NPRL3: variants seen among roughly 807,000 people sequenced by gnomAD.
NPRL3 encodes GATOR1 complex protein NPRL3.
Under a neutral mutation model 57.2 loss-of-function variants are expected in NPRL3, and 23 were observed. That is an observed-to-expected ratio of 0.40 (90% CI 0.29 to 0.57). NPRL3 has a LOEUF of 0.57. Ranked by LOEUF, NPRL3 falls within the 20% of genes least tolerant of loss-of-function variation. NPRL3 has a pLI of 0.42. For missense variants in NPRL3, 691 were observed against 767.1 expected, an observed-to-expected ratio of 0.90 and a Z score of 1.17; for synonymous variants, 333 against 321.1, an observed-to-expected ratio of 1.04 and a Z score of -0.39.
At chr16:109,094 G>C (rs949812065) in intron 7 of NPRL3, among the ~76,000 whole-genome samples, 3 of 151,852 alleles carry the variant, frequency 2.0e-5, no homozygotes, top group African/African-American at 7.3e-5. Context: ...TCAGCCTCCT[G>C]AGTAGCTGAG....
rs1367365801 is a variant in NPRL3, at chr16:138,606, T to C, written c.-68+36A>G. 4 of 64,970 alleles carry C rather than the reference T, an allele frequency of 6.2e-5. 1 individual carries two copies. Among genetic ancestry groups the C allele is most frequent in the Non-Finnish European group, 1.0e-4 (4 of 38,608 alleles). 4.0% of individuals were successfully genotyped at this position (64,970 alleles called of 1,614,324 possible). ...GGAGGGGGCCTGAGGAGGACAGGGG[T>C]GGTGGTGGACGCGGAGCAGCGCCAC... On this transcript the variant is annotated intron_variant, in intron 1 of 13. Transcript: ENST00000611875.
chr16:119,328 A>G, intron 3 of NPRL3, 73 bp from the exon 4 acceptor site: 1 of 1,462,398 alleles, frequency 6.8e-7, no homozygotes, highest in South Asian at 1.2e-5. Flanking sequence ...CTGGCCCCAG[A>G]GCGGAAGGGT....
chr16:126,689 G>A (rs1397455282), intron 3 of NPRL3, among the ~76,000 whole-genome samples: 2 of 152,010 alleles, frequency 1.3e-5, no homozygotes, highest in Non-Finnish European at 2.9e-5. Flanking sequence ...CAGTGGTGGG[G>A]ACACACGGTA....
At chr16:120,476 T>C (rs1339615804) in intron 3 of NPRL3, among the ~76,000 whole-genome samples, 1 of 152,154 alleles carries the variant, frequency 6.6e-6, no homozygotes, top group Admixed American at 6.5e-5. Flanking sequence ...TAATAGCAAA[T>C]GGCAAGTAGC....
intron 9 of NPRL3, among the ~76,000 whole-genome samples, chr16:97,715 AG>A (rs972622583): frequency 6.7e-6 from 1 of 150,268 alleles, no homozygotes; most frequent in Non-Finnish European, 1.5e-5. Flanking sequence ...CCACCAGGTT[AG>A]GTCTCTGTTC....
chr16:98,041 C>A, intron 9 of NPRL3, 104 bp downstream of exon 9: 1 of 1,424,726 alleles, frequency 7.0e-7, no homozygotes, highest in Non-Finnish European at 9.5e-7. Flanking sequence ...TGCCGCGGCT[C>A]TCAGCTGGAC....
chr16:112,801 C>T (rs765419163), intron 5 of NPRL3, 26 bp from the exon 6 acceptor site: 2 of 1,554,146 alleles, frequency 1.3e-6, no homozygotes, highest in East Asian at 2.3e-5. Context: ...CATACACAGA[C>T]TCAAACGTGT....
intron 3 of NPRL3, among the ~76,000 whole-genome samples, chr16:128,782 C>A (rs1393337413): frequency 1.3e-5 from 2 of 151,922 alleles, no homozygotes; most frequent in African/African-American, 4.8e-5. Context: ...AAAAAAAAAT[C>A]AAAGACACAG....
At chr16:135,237 A>G (rs945380140) in intron 2 of NPRL3, among the ~76,000 whole-genome samples, 2 of 152,226 alleles carry the variant, frequency 1.3e-5, no homozygotes, top group Admixed American at 6.5e-5. Flanking sequence ...TTATAACTCC[A>G]GTTCCACAGG....
At chr16:129,217 TG>T (rs1900680970) in intron 3 of NPRL3, among the ~76,000 whole-genome samples, 1 of 152,162 alleles carries the variant, frequency 6.6e-6, no homozygotes, top group African/African-American at 2.4e-5. Context: ...AAGGCTAATG[TG>T]GGGGGTGGCC....
chr16:138,408 C>A, intron 1 of NPRL3, 74 bp from the exon 2 acceptor site: 1 of 423,730 alleles, frequency 2.4e-6, no homozygotes, highest in Non-Finnish European at 4.0e-6. Context: ...CTGAGGAGGG[C>A]AGGGGTGGAG....
chr16:92,440 C>T (rs1567130717), intron 11 of NPRL3, among the ~76,000 whole-genome samples, 156 bp downstream of exon 11: 1 of 152,190 alleles, frequency 6.6e-6, no homozygotes, highest in Admixed American at 6.5e-5. Context: ...CTTTTGGGTC[C>T]TGCTGGGCAC....
chr16:110,730 G>A (rs1899770403), intron 6 of NPRL3, 124 bp from the exon 7 acceptor site: 8 of 686,700 alleles, frequency 1.2e-5, no homozygotes, highest in Non-Finnish European at 2.0e-5. Flanking sequence ...TTGTATTTTT[G>A]GTAGAGACAG....
rs376237512 is a variant in NPRL3 at position 112,680 on chromosome 16, G to T, written c.489C>A (p.Leu163=). The T allele has an allele frequency of 1.1e-5, 18 of 1,609,688 alleles. No individual in the cohort carries two copies. The African/African-American group carries it at 2.0e-4, about 18-fold the overall frequency. ...CCAGGATCAGCTTGGCCTCCCGGGT[G>T]AGGTACTGGCAGCGGCGCTCCTCGT... ...LQHEERRCQY[L]TREAKLILAL... is the part of the protein sequence containing the mutation. Residue 163 remains leucine, a synonymous_variant, in exon 6 of 14, where the codon CTC becomes CTA. Coordinates refer to ENST00000611875, the MANE Select transcript of NPRL3 (RefSeq NM_001077350.3).
intron 7 of NPRL3, among the ~76,000 whole-genome samples, chr16:110,114 A>G (rs780590196): frequency 2.6e-5 from 4 of 152,128 alleles, no homozygotes; most frequent in African/African-American, 4.8e-5. Context: ...TACTAAAAAT[A>G]CACAACTAGC....
intron 2 of NPRL3, among the ~76,000 whole-genome samples, 190 bp downstream of exon 2, chr16:137,959 GT>G (rs1901186884): frequency 6.6e-6 from 1 of 151,838 alleles, no homozygotes; most frequent in Non-Finnish European, 1.5e-5. Flanking sequence ...GTCAGCAGTA[GT>G]TGCTTTGGTG....
At position 98,010 on chromosome 16, in the gene NPRL3, G is replaced by A. The variant is rs1899094739; in HGVS notation, c.924+135C>T. On this transcript the variant is annotated intron_variant, in intron 9 of 13. Transcript: ENST00000611875. ...AAACCTCCAGCCATCCCAGGGACTG[G>A]CCCCACCCCATGGTGGGCTGTGCCG... is the stretch of plus-strand genomic sequence containing the variant. The A allele has an allele frequency of 1.5e-5, 16 of 1,084,400 alleles. 1 individual carries two copies. The South Asian group carries it at 2.3e-4, about 16-fold the overall frequency. The allele number at this position is 1,084,400 out of a possible 1,614,324, so 67.2% of individuals were successfully genotyped here. A position where few individuals can be genotyped will look rare whatever the true frequency, so the allele number is the denominator to read the frequency against.
intron 6 of NPRL3, among the ~76,000 whole-genome samples, chr16:111,113 C>T (rs1043107084): frequency 1.3e-5 from 2 of 152,042 alleles, no homozygotes; most frequent in Non-Finnish European, 2.9e-5. Context: ...TAAATTTTGA[C>T]AGGTAACCGG....
At chr16:115,261 C>T (rs1404955341) in intron 5 of NPRL3, among the ~76,000 whole-genome samples, 1 of 151,850 alleles carries the variant, frequency 6.6e-6, no homozygotes, top group East Asian at 1.9e-4. Context: ...AGGAGTGAGC[C>T]ACTGTGCCTG....
Sources: gnomAD v4.1 joint callset for allele counts (sites outside exome capture counted in the v4.1 genomes callset) on GRCh38, gnomAD v4.1.1 for gene constraint, MANE v1.5 for transcripts, NCBI Gene and HGNC (gene_info 2026-07-23, HGNC 2026-07-21) for gene names.